The following EXOC5 variants were observed in gnomAD, a reference collection of about 807,000 sequenced individuals.
EXOC5 encodes exocyst complex component 5.
In EXOC5, 17 loss-of-function variants were observed where a neutral mutation model predicts 90.8. That is an observed-to-expected ratio of 0.19 (90% confidence interval 0.13 to 0.28). The LOEUF (loss-of-function observed/expected upper bound fraction) is 0.28. Among genes scored for constraint, EXOC5 ranks in the 10% least tolerant of loss-of-function variants. The pLI, the probability that EXOC5 is intolerant of heterozygous loss-of-function variation, is 1.00. For missense variants in EXOC5, 569 were observed against 830.6 expected (o/e 0.69, Z 3.87); for synonymous variants, 260 against 270.0 (o/e 0.96, Z 0.36).
chr14:57,223,953 T>C (rs1021093880), intron 12 of EXOC5, among the ~76,000 whole-genome samples: 1 of 152,144 alleles, frequency 6.6e-6, no homozygotes, highest in African/African-American at 2.4e-5. Flanking sequence ...AATAACATAT[T>C]TCTAAATCAC....
At chr14:57,254,373 T>A (rs1181929111) in intron 1 of EXOC5, among the ~76,000 whole-genome samples, 2 of 151,398 alleles carry the variant, frequency 1.3e-5, no homozygotes, top group Non-Finnish European at 2.9e-5. Flanking sequence ...AGGCAGAGGT[T>A]GCAGTGAGCC....
At chr14:57,253,308 T>A (rs553947573) in intron 1 of EXOC5, among the ~76,000 whole-genome samples, 1 of 151,570 alleles carries the variant, frequency 6.6e-6, no homozygotes, top group South Asian at 2.1e-4. Context: ...GAACAAAGTA[T>A]TTAGGAATAA....
intron 11 of EXOC5, 89 bp from the exon 12 acceptor site, chr14:57,229,970 A>T (rs1006097305): frequency 4.6e-5 from 30 of 659,134 alleles, no homozygotes; most frequent in Non-Finnish European, 6.7e-5. Context: ...TATATCAACA[A>T]CAAAAATGGA....
At chr14:57,263,462 C>T (rs1478077476) in intron 1 of EXOC5, among the ~76,000 whole-genome samples, 1 of 149,790 alleles carries the variant, frequency 6.7e-6, no homozygotes, top group South Asian at 2.1e-4. Flanking sequence ...AGAGCAAAAC[C>T]CTGTCTCAAA....
intron 12 of EXOC5, among the ~76,000 whole-genome samples, chr14:57,227,155 CAG>C (rs1267382707): frequency 6.6e-6 from 1 of 151,978 alleles, no homozygotes; most frequent in Admixed American, 6.6e-5. Flanking sequence ...AACACTTCAC[CAG>C]AGAGTATATA....
chr14:57,229,797 T>C lies in EXOC5; in HGVS notation c.1233A>G (p.Leu411=), dbSNP rs757124500. The C allele has an allele frequency of 2.0e-6, 3 of 1,529,502 alleles. No homozygotes were observed. Among genetic ancestry groups the C allele is most frequent in the Admixed American group, 2.0e-5 (1 of 50,822 alleles). 94.7% of individuals were successfully genotyped at this position (1,529,502 alleles called of 1,614,324 possible). Residue 411 remains leucine, a synonymous_variant, in exon 12 of 18, where the codon CTA becomes CTG. Coordinates refer to ENST00000621441, the MANE Select transcript of EXOC5 (RefSeq NM_006544.4). ...AAAGATTAACCACCACTTCTTGGGA[T>C]AGAAAAGTCTCCCCATGAGTATCGA... ...PSIDTHGETF[L]SQEVVVNLLQ...
chr14:57,263,032 C>A (rs1252302874), intron 1 of EXOC5, among the ~76,000 whole-genome samples: 3 of 152,096 alleles, frequency 2.0e-5, no homozygotes, highest in Non-Finnish European at 4.4e-5. Flanking sequence ...TCAGGTTGCC[C>A]ACGATCCCTA....
At chr14:57,254,245 GC>G (rs1362477654) in intron 1 of EXOC5, among the ~76,000 whole-genome samples, 2 of 151,998 alleles carry the variant, frequency 1.3e-5, no homozygotes, top group Non-Finnish European at 2.9e-5. Flanking sequence ...GACCAGGATG[GC>G]AAACACAGCA....
intron 1 of EXOC5, among the ~76,000 whole-genome samples, chr14:57,260,925 G>A (rs544715128): frequency 5.9e-5 from 9 of 152,098 alleles, no homozygotes; most frequent in African/African-American, 1.9e-4. Context: ...AAATACACAC[G>A]TTAAATATTC....
At position 57,202,559 on chromosome 14, in the gene EXOC5, A is replaced by G. The variant is rs547114610; in HGVS notation, c.*6050T>C. The G allele has an allele frequency of 6.6e-6, 1 of 152,286 alleles. No homozygotes were observed. Among genetic ancestry groups the G allele is most frequent in the African/African-American group, 2.4e-5 (1 of 41,568 alleles). 9.4% of individuals were successfully genotyped at this position (152,286 alleles called of 1,614,324 possible). The stretch of plus-strand genomic sequence containing the variant: ...TGATTGTTTCAAAAATTTTTCTTTA[A>G]AAAGCAGAATGTAGAACACTAATCA... On this transcript the variant is annotated 3_prime_UTR_variant, in exon 18 of 18. Coordinates refer to ENST00000621441, the MANE Select transcript of EXOC5 (RefSeq NM_006544.4).
At chr14:57,243,974 A>T (rs973425606) in intron 4 of EXOC5, 191 bp downstream of exon 4, 30 of 463,630 alleles carry the variant, frequency 6.5e-5, no homozygotes, top group Non-Finnish European at 3.8e-6. Context: ...CCAATTAAAC[A>T]TCTCAATATT....
At chr14:57,218,828 C>T (rs1883046563) in intron 14 of EXOC5, among the ~76,000 whole-genome samples, 1 of 152,010 alleles carries the variant, frequency 6.6e-6, no homozygotes, top group Non-Finnish European at 1.5e-5. Flanking sequence ...TATACACCAT[C>T]TTATTTAATT....
rs1478637141 is a variant in EXOC5, at chr14:57,231,554, C to T, written c.1100G>A (p.Arg367His). The T allele has an allele frequency of 5.6e-6, 9 of 1,612,112 alleles. No homozygotes were observed. Among genetic ancestry groups the T allele is most frequent in the African/African-American group, 2.7e-5 (2 of 74,852 alleles). Residue 367 changes from arginine to histidine, a missense_variant, in exon 11 of 18, where the codon CGC (arginine) becomes CAC (histidine). Around this residue, in one of 9 missense-constraint regions of EXOC5, gnomAD observed 69 missense variants for 115.5 expected, o/e 0.60. Coordinates refer to ENST00000621441, the MANE Select transcript of EXOC5 (RefSeq NM_006544.4). The stretch of plus-strand genomic sequence containing the variant: ...TTGATGGTTTTTCGAATCATAATAG[C>T]GCTGTAGGATCATAGCACTTCTGCT... ...LKSRSAMILQ[R>H]YYDSKNHQKR...
In EXOC5 at chr14:57,222,455, T is replaced by C. The variant is rs773636882; in HGVS notation, c.1297-39A>G. 2.2e-5 allele frequency: 27 copies of C among 1,230,614 alleles called. No homozygotes were observed. In the South Asian group the frequency reaches 2.6e-4, roughly 12 times the overall value. The allele number at this position is 1,230,614 out of a possible 1,614,324, so 76.2% of individuals were successfully genotyped here. A position where few individuals can be genotyped will look rare whatever the true frequency, so the allele number is the denominator to read the frequency against. ...ATCAAACAATATCACTCCTCAAGTC[T>C]ACCTTTTGAAAATGCCAATTTTTTT... On this transcript the variant is annotated intron_variant, in intron 12 of 17. Coordinates refer to ENST00000621441, the MANE Select transcript of EXOC5 (RefSeq NM_006544.4).
intron 12 of EXOC5, among the ~76,000 whole-genome samples, chr14:57,225,741 C>G (rs575923731): frequency 6.6e-6 from 1 of 152,168 alleles, no homozygotes; most frequent in Admixed American, 6.5e-5. Context: ...CAGGAGGTCC[C>G]GCCAACACAT....
Position 57,233,872 on chromosome 14 carries a change from C to A in EXOC5, c.726G>T (p.Leu242Phe), listed in dbSNP as rs764912243. The change falls in exon 9 of 18, where the codon TTG becomes TTT. Residue 242 changes from leucine (L) to phenylalanine (F), a missense_variant. Around this residue, in one of 9 missense-constraint regions of EXOC5, gnomAD observed 114 missense variants for 111.2 expected, o/e 1.03. Coordinates refer to ENST00000621441, the MANE Select transcript of EXOC5 (RefSeq NM_006544.4). ...YIKQCQEGAY[L>F]RNDIFEDAGI... ...CAGCGTCTTCAAATATATCATTTCT[C>A]AAATAAGCACCCTAAACAGCAGAGA... 6 of 1,610,794 alleles carry A rather than the reference C, an allele frequency of 3.7e-6. No individual in the cohort carries two copies. The highest frequency in any genetic ancestry group is 5.1e-6 in the Non-Finnish European group (6 of 1,177,564).
chr14:57,228,870 AG>A (rs1170828171), intron 12 of EXOC5, among the ~76,000 whole-genome samples: 1 of 150,662 alleles, frequency 6.6e-6, no homozygotes, highest in Non-Finnish European at 1.5e-5. Context: ...AAAAAAAAAA[AG>A]GAGTGTCTGG....
At chr14:57,239,479 G>A in intron 5 of EXOC5, 116 bp downstream of exon 5, 1 of 652,424 alleles carries the variant, frequency 1.5e-6, no homozygotes, top group South Asian at 1.9e-5. Context: ...GAACCAGCAA[G>A]TGCTCAATAA....
chr14:57,214,512 GGGAAAAACA>G, intron 15 of EXOC5, among the ~76,000 whole-genome samples: 1 of 152,160 alleles, frequency 6.6e-6, no homozygotes, highest in East Asian at 1.9e-4. Context: ...GGCCAAGGTT[GGGAAAAACA>G]GGTAGGAGCA....
Sources: allele counts gnomAD v4.1 joint callset (sites outside exome capture counted in the v4.1 genomes callset), GRCh38; gene constraint gnomAD v4.1.1; regional missense constraint gnomAD v4.1.1; transcripts MANE v1.5; gene names NCBI Gene and HGNC (gene_info 2026-07-23, HGNC 2026-07-21).